Variants in CHODL observed in about 807,000 individuals in gnomAD.
CHODL encodes chondrolectin.
In CHODL, 29 loss-of-function variants were observed where a neutral mutation model predicts 34.5. The ratio of observed to expected loss-of-function variants is 0.84; its 90% CI spans 0.63 to 1.15. CHODL has a LOEUF of 1.15. Ranked by LOEUF, CHODL falls within the 50% of genes most tolerant of loss-of-function variation. The pLI is 0.00. For synonymous variants in CHODL, 125 were observed against 116.1 expected (o/e 1.08, Z -0.49); for missense variants, 332 against 332.5 (o/e 1.00, Z 0.01).
intron 2 of CHODL, among the ~76,000 whole-genome samples, chr21:18,188,233 C>T (rs2073467051): frequency 6.6e-6 from 1 of 152,086 alleles, no homozygotes; most frequent in Non-Finnish European, 1.5e-5. Context: ...CCAAAAGTTA[C>T]TGTAATCCCT....
intron 2 of CHODL, among the ~76,000 whole-genome samples, chr21:18,048,285 T>G (rs2064470018): frequency 6.6e-6 from 1 of 151,948 alleles, no homozygotes; most frequent in Non-Finnish European, 1.5e-5. Context: ...TGTTTCTTGG[T>G]GTCTCTTCAA....
chr21:18,159,816 G>A (rs927053070), intron 2 of CHODL, among the ~76,000 whole-genome samples: 1 of 151,968 alleles, frequency 6.6e-6, no homozygotes, highest in Non-Finnish European at 1.5e-5. Flanking sequence ...AGCATGAGAA[G>A]GATTCGACCT....
At chr21:18,248,715 TAC>T (rs1203769230) in intron 1 of CHODL, among the ~76,000 whole-genome samples, 2,316 of 120,672 alleles carry the variant, frequency 0.019, 105 homozygotes, top group African/African-American at 0.079. Flanking sequence ...ATATAATATA[TAC>T]ATATATATGT....
intron 2 of CHODL, among the ~76,000 whole-genome samples, chr21:18,153,134 A>C (rs1441481382): frequency 6.6e-6 from 1 of 152,168 alleles, no homozygotes; most frequent in African/African-American, 2.4e-5. Context: ...TTTATTGTCT[A>C]AGAGTTTAGT....
At chr21:18,211,122 C>T (rs2073769229) in intron 2 of CHODL, among the ~76,000 whole-genome samples, 1 of 138,130 alleles carries the variant, frequency 7.2e-6, no homozygotes, top group Admixed American at 7.7e-5. Context: ...ATTTTATTCC[C>T]TTGCATCCTA....
intron 2 of CHODL, among the ~76,000 whole-genome samples, chr21:18,071,846 A>C (rs924345666): frequency 6.6e-6 from 1 of 152,130 alleles, no homozygotes; most frequent in Non-Finnish European, 1.5e-5. Context: ...TACATACTAC[A>C]AATATCACAA....
At chr21:18,067,753 T>C (rs2064748752) in intron 2 of CHODL, among the ~76,000 whole-genome samples, 1 of 152,052 alleles carries the variant, frequency 6.6e-6, no homozygotes, top group South Asian at 2.1e-4. Flanking sequence ...AATCATAGAG[T>C]GTTTATAAGG....
intron 2 of CHODL, among the ~76,000 whole-genome samples, chr21:18,129,012 T>C (rs1280396663): frequency 1.3e-5 from 2 of 152,136 alleles, no homozygotes; most frequent in Admixed American, 1.3e-4. Flanking sequence ...GAGCCAAATA[T>C]AGCCATATAA....
At chr21:18,102,726 T>C (rs1299366613) in intron 2 of CHODL, among the ~76,000 whole-genome samples, 2 of 152,194 alleles carry the variant, frequency 1.3e-5, no homozygotes, top group East Asian at 3.9e-4. Context: ...ATGGCCTATA[T>C]TAAAAATGAA....
chr21:18,244,153 T>C (rs2074108258), upstream of CHODL, among the ~76,000 whole-genome samples: 1 of 152,234 alleles, frequency 6.6e-6, no homozygotes, highest in South Asian at 2.1e-4. Flanking sequence ...AGATCACTGA[T>C]AGATGATTGC....
chr21:18,083,136 C>T (rs1234223318), intron 2 of CHODL, among the ~76,000 whole-genome samples: 2 of 152,188 alleles, frequency 1.3e-5, no homozygotes, highest in Non-Finnish European at 2.9e-5. Flanking sequence ...CTGCTCTTTG[C>T]AGTCTTGGGA....
At chr21:17,982,662 A>T (rs2146377214) in intron 1 of CHODL, among the ~76,000 whole-genome samples, 1 of 151,376 alleles carries the variant, frequency 6.6e-6, no homozygotes, top group Non-Finnish European at 1.5e-5. Context: ...TTTACAGATA[A>T]AGCATGCACT....
intron 2 of CHODL, among the ~76,000 whole-genome samples, chr21:18,214,979 G>T (rs1025233780): frequency 6.6e-6 from 1 of 151,926 alleles, no homozygotes; most frequent in Non-Finnish European, 1.5e-5. Context: ...AAACCAAAAT[G>T]ATATTTAACA....
chr21:18,150,852 G>A (rs1217337604), intron 2 of CHODL, among the ~76,000 whole-genome samples: 5 of 152,044 alleles, frequency 3.3e-5, no homozygotes, highest in African/African-American at 7.2e-5. Flanking sequence ...TTGGGAGGCC[G>A]AGGCGGGTGG....
intron 1 of CHODL, among the ~76,000 whole-genome samples, chr21:17,922,785 G>A (rs2063192710): frequency 6.6e-6 from 1 of 152,128 alleles, no homozygotes; most frequent in Non-Finnish European, 1.5e-5. Flanking sequence ...TCTGAGACAG[G>A]TCTCAGTTAA....
chr21:17,983,322 T>A (rs2063729142), intron 1 of CHODL, among the ~76,000 whole-genome samples: 1 of 152,224 alleles, frequency 6.6e-6, no homozygotes, highest in South Asian at 2.1e-4. Context: ...AAAAATATTA[T>A]TTGTAGATGT....
chr21:18,094,735 T>A (rs2065117170), intron 2 of CHODL, among the ~76,000 whole-genome samples: 1 of 124,790 alleles, frequency 8.0e-6, no homozygotes. Flanking sequence ...GCTATAAATG[T>A]CTACATCAAA....
intron 2 of CHODL, among the ~76,000 whole-genome samples, chr21:18,143,864 T>C (rs1053418347): frequency 1.3e-5 from 2 of 152,146 alleles, no homozygotes; most frequent in Non-Finnish European, 2.9e-5. Flanking sequence ...TATCCTTTTA[T>C]AAAATTATAT....
chr21:18,010,201 A>G (rs567064225), intron 1 of CHODL, among the ~76,000 whole-genome samples: 7 of 143,726 alleles, frequency 4.9e-5, no homozygotes, highest in Middle Eastern at 3.6e-3. Flanking sequence ...GGAGGCTGAG[A>G]CAGGAGAATG....
Sources: gnomAD v4.1 joint callset for allele counts (sites outside exome capture counted in the v4.1 genomes callset) on GRCh38, gnomAD v4.1.1 for gene constraint, MANE v1.5 for transcripts, NCBI Gene and HGNC (gene_info 2026-07-23, HGNC 2026-07-21) for gene names.